CD2: variants seen among roughly 807,000 people sequenced by gnomAD.
CD2 encodes T-cell surface antigen CD2.
A neutral mutation model predicts 23.2 loss-of-function variants in CD2; 18 were observed. The observed-to-expected ratio is 0.77, with a 90% CI of 0.54 to 1.15. The LOEUF (loss-of-function observed/expected upper bound fraction) is 1.15, where lower values mean the gene tolerates loss of function less well. Among genes scored for constraint, CD2 ranks in the 50% most tolerant of loss-of-function variants. CD2 has a pLI of 0.00. For missense variants in CD2, 424 were observed against 423.1 expected (o/e 1.00, Z -0.02); for synonymous variants, 162 against 151.9 (o/e 1.07, Z -0.49).
At chr1:116,756,631 T>C (rs1327222727) in intron 2 of CD2, among the ~76,000 whole-genome samples, 3 of 152,166 alleles carry the variant, frequency 2.0e-5, no homozygotes, top group Non-Finnish European at 2.9e-5. Context: ...TTTGTCCATA[T>C]ACTAAAATGG....
Position 116,760,528 on chromosome 1 carries a change from G to A in CD2, c.509G>A (p.Arg170Lys), listed in dbSNP as rs1652011362. 3 of 1,614,150 alleles carry A rather than the reference G, an allele frequency of 1.9e-6. No homozygotes were observed. Among genetic ancestry groups the A allele is most frequent in the Non-Finnish European group, 2.5e-6 (3 of 1,180,010 alleles). The change falls in exon 3 of 5, where the codon AGG becomes AAG. Residue 170 changes from arginine to lysine, a missense_variant. By Grantham distance (26) the Arg-to-Lys change is conservative (BLOSUM62 2). Transcript: ENST00000369478. ...QDGKHLKLSQRVITHKWTTSL... is the reference protein window; with the variant it reads ...QDGKHLKLSQKVITHKWTTSL... ...GGGAAACATCTAAAACTTTCTCAGA[G>A]GGTCATCACACACAAGTGGACCACC...
chr1:116,759,722 C>G (rs969932073), intron 2 of CD2, among the ~76,000 whole-genome samples: 2 of 152,174 alleles, frequency 1.3e-5, no homozygotes, highest in African/African-American at 4.8e-5. Context: ...AGCGTAGACC[C>G]TGTGAGCAAC....
At chr1:116,766,895 G>A (rs964919431) in intron 4 of CD2, among the ~76,000 whole-genome samples, 1 of 151,906 alleles carries the variant, frequency 6.6e-6, no homozygotes, top group Non-Finnish European at 1.5e-5. Flanking sequence ...CAAAAATAGT[G>A]GGTGAACAGA....
At position 116,768,982 on chromosome 1, in the gene CD2, C is replaced by CA; in HGVS notation, c.*200dup. On this transcript the variant is annotated 3_prime_UTR_variant, in exon 5 of 5. Transcript: ENST00000369478. The stretch of plus-strand genomic sequence containing the variant: ...AGTTTTTGGTCTCCTCAGAGAGCTC[C>CA]ATCACACCAGTAAGGAGAAGCAATA... The CA allele has an allele frequency of 5.1e-6, 3 of 587,470 alleles. No individual in the cohort carries two copies. The South Asian group carries it at 6.5e-5, about 13-fold the overall frequency. 36.4% of individuals were successfully genotyped at this position (587,470 alleles called of 1,614,324 possible). A position where few individuals can be genotyped will look rare whatever the true frequency, so the allele number is the denominator to read the frequency against.
rs1228247919 is a variant in CD2, at chr1:116,769,129, A to G, written c.*346A>G. ...ATTGGTGTGCCTGGGTCTCACTACA[A>G]GCAGCCTATCTGCTTAAGAGACTCT... is the stretch of plus-strand genomic sequence containing the variant. On this transcript the variant is annotated 3_prime_UTR_variant, in exon 5 of 5. Coordinates refer to ENST00000369478, the MANE Select transcript of CD2 (RefSeq NM_001767.5). 3.2e-5 allele frequency: 7 copies of G among 220,666 alleles called. No homozygotes were observed. In the East Asian group the frequency reaches 6.5e-4, roughly 21 times the overall value. 13.7% of individuals were successfully genotyped at this position (220,666 alleles called of 1,614,324 possible). A position where few individuals can be genotyped will look rare whatever the true frequency, so the allele number is the denominator to read the frequency against.
At chr1:116,763,561 G>A (rs541407085) in intron 3 of CD2, among the ~76,000 whole-genome samples, 6 of 152,156 alleles carry the variant, frequency 3.9e-5, no homozygotes, top group Non-Finnish European at 5.9e-5. Context: ...ACTAGTAAGA[G>A]CAAGACCTCA....
chr1:116,755,334 G>A (rs1289335755), intron 2 of CD2, among the ~76,000 whole-genome samples: 1 of 152,240 alleles, frequency 6.6e-6, no homozygotes, highest in Non-Finnish European at 1.5e-5. Context: ...TGACTGGAGA[G>A]CAGCGGGCCT....
rs1438427573 is a variant in CD2, at chr1:116,754,484, A to G, written c.-9A>G. 1.2e-6 allele frequency: 2 copies of G among 1,612,522 alleles called. No individual in the cohort carries two copies. The highest frequency in any genetic ancestry group is 2.7e-5 in the African/African-American group (2 of 74,750). On this transcript the variant is annotated 5_prime_UTR_variant, in exon 1 of 5. Transcript: ENST00000369478. ...AGCTCAGAATCAAAAGAGGAAACCA[A>G]CCCCTAAGATGAGCTTTCCATGTAA... is the stretch of plus-strand genomic sequence containing the variant.
At position 116,765,920 on chromosome 1, in the gene CD2, A is replaced by C. The variant is rs190757862; in HGVS notation, c.736+1314A>C. Among the ~76,000 whole-genome samples the C allele has an allele frequency of 9.8e-5, 15 of 152,364 alleles. No individual in the cohort carries two copies. In the East Asian group the frequency reaches 2.9e-3, roughly 29 times the overall value. On this transcript the variant is annotated intron_variant, in intron 4 of 4. Transcript: ENST00000369478. The stretch of plus-strand genomic sequence containing the variant: ...ATTAGTGCATCCAGCTTTCAGAGTG[A>C]TCTTAGGAGATAGATAACAACACAG...
At chr1:116,759,663 C>G (rs1363887467) in intron 2 of CD2, among the ~76,000 whole-genome samples, 2 of 152,178 alleles carry the variant, frequency 1.3e-5, no homozygotes, top group East Asian at 3.8e-4. Context: ...CCTTTTGTGA[C>G]AGGTAGGGTA....
chr1:116,756,674 C>T (rs1358843208), intron 2 of CD2, among the ~76,000 whole-genome samples: 3 of 152,144 alleles, frequency 2.0e-5, no homozygotes, highest in African/African-American at 7.2e-5. Context: ...GTAACCATCA[C>T]CACAATCAAC....
At chr1:116,761,212 A>T (rs928039420) in intron 3 of CD2, among the ~76,000 whole-genome samples, 1 of 152,208 alleles carries the variant, frequency 6.6e-6, no homozygotes, top group Non-Finnish European at 1.5e-5. Flanking sequence ...CTCCAAGACC[A>T]TAATGGATCC....
chr1:116,761,949 G>A (rs1652069269), intron 3 of CD2, among the ~76,000 whole-genome samples: 2 of 152,090 alleles, frequency 1.3e-5, no homozygotes, highest in African/African-American at 4.8e-5. Flanking sequence ...TCCCACCTCA[G>A]CCTCCCCAGT....
At chr1:116,762,762 T>G (rs1239415332) in intron 3 of CD2, among the ~76,000 whole-genome samples, 1 of 152,218 alleles carries the variant, frequency 6.6e-6, no homozygotes, top group African/African-American at 2.4e-5. Flanking sequence ...TATTTTTGAC[T>G]GACAGTGCCA....
chr1:116,755,727 T>A (rs1651822553), intron 2 of CD2, among the ~76,000 whole-genome samples: 1 of 152,118 alleles, frequency 6.6e-6, no homozygotes, highest in South Asian at 2.1e-4. Context: ...GCCACTGGCC[T>A]AGACCAAAGG....
At chr1:116,759,415 A>T (rs1395222174) in intron 2 of CD2, among the ~76,000 whole-genome samples, 2 of 148,944 alleles carry the variant, frequency 1.3e-5, no homozygotes, top group Non-Finnish European at 3.0e-5. Flanking sequence ...GGGGGGAACA[A>T]AGTAAAGAAT....
intron 2 of CD2, among the ~76,000 whole-genome samples, chr1:116,756,367 G>A (rs1651851357): frequency 6.6e-6 from 1 of 152,094 alleles, no homozygotes; most frequent in African/African-American, 2.4e-5. Context: ...CGGAAATAAT[G>A]GCTACCAGTT....
intron 4 of CD2, among the ~76,000 whole-genome samples, chr1:116,765,082 C>T (rs1652174811): frequency 6.6e-6 from 1 of 152,180 alleles, no homozygotes; most frequent in South Asian, 2.1e-4. Flanking sequence ...GTGCCTGTGC[C>T]CCCTTTGCTA....
intron 4 of CD2, 29 bp downstream of exon 4, chr1:116,764,635 A>C (rs762358117): frequency 6.4e-7 from 1 of 1,571,206 alleles, no homozygotes; most frequent in East Asian, 2.2e-5. Flanking sequence ...GTCCCACCGC[A>C]GGCCCCAGCA....
Sources: allele counts gnomAD v4.1 joint callset (sites outside exome capture counted in the v4.1 genomes callset), GRCh38; gene constraint gnomAD v4.1.1; transcripts MANE v1.5; gene names NCBI Gene and HGNC (gene_info 2026-07-23, HGNC 2026-07-21).